The following ERN1 variants were observed in gnomAD, a reference collection of about 807,000 sequenced individuals.
The protein encoded by ERN1 is endoplasmic reticulum to nucleus signaling 1, also known as serine/threonine-protein kinase/endoribonuclease IRE1.
A neutral mutation model predicts 113.1 loss-of-function variants in ERN1; 39 were observed. The ratio of observed to expected loss-of-function variants is 0.34; its 90% CI spans 0.27 to 0.45. ERN1 has a LOEUF of 0.45. Among genes scored for constraint, ERN1 ranks in the 20% least tolerant of loss-of-function variants. The pLI, the probability that ERN1 is intolerant of heterozygous loss-of-function variation, is 1.00. For synonymous variants in ERN1, 507 were observed against 515.9 expected, an observed-to-expected ratio of 0.98 and a Z score of 0.23; for missense variants, 976 against 1,274.8, an observed-to-expected ratio of 0.77 and a Z score of 3.57.
At chr17:64,092,232 C>T (rs1914111450) in intron 2 of ERN1, among the ~76,000 whole-genome samples, 1 of 152,080 alleles carries the variant, frequency 6.6e-6, no homozygotes, top group Admixed American at 6.5e-5. Context: ...CATGACAGGG[C>T]TTGGTGACCA....
At chr17:64,079,853 G>A (rs926583577) in intron 3 of ERN1, 119 bp from the exon 4 acceptor site, 1 of 689,104 alleles carries the variant, frequency 1.5e-6, no homozygotes, top group Non-Finnish European at 2.6e-6. Flanking sequence ...GTGTGTAGGT[G>A]TATAAGTGAG....
intron 11 of ERN1, among the ~76,000 whole-genome samples, chr17:64,059,437 C>A (rs1379059166): frequency 6.6e-6 from 1 of 152,162 alleles, no homozygotes; most frequent in African/African-American, 2.4e-5. Flanking sequence ...AGCTGCCAGG[C>A]CTGAATCGGT....
rs1270535738 is a variant in ERN1, at chr17:64,043,064, G to A, written c.*924C>T. ...TTCCACCGGCCTTGGGGACGAAGGAGTTTGACTGCCTACTCGCTGGCCCAG... is the reference window on the plus strand; with the variant it reads ...TTCCACCGGCCTTGGGGACGAAGGAATTTGACTGCCTACTCGCTGGCCCAG... On this transcript the variant is annotated 3_prime_UTR_variant, in exon 22 of 22. Transcript: ENST00000433197. 1 of 152,450 alleles carries A rather than the reference G, an allele frequency of 6.6e-6. No individual in the cohort carries two copies. The highest frequency in any genetic ancestry group is 1.9e-4 in the East Asian group (1 of 5,328). 9.4% of individuals were successfully genotyped at this position (152,450 alleles called of 1,614,324 possible).
chr17:64,093,882 T>A (rs1447510636), intron 2 of ERN1, among the ~76,000 whole-genome samples: 1 of 152,204 alleles, frequency 6.6e-6, no homozygotes, highest in Admixed American at 6.5e-5. Context: ...ACCAGTGGTA[T>A]CCGTAGGGAG....
In ERN1 at chr17:64,044,643, T is replaced by G. The variant is rs9897942; in HGVS notation, c.2721+217A>C. Among the ~76,000 whole-genome samples the G allele has an allele frequency of 6.0e-3, 913 of 152,270 alleles. 11 individuals carry two copies. Among genetic ancestry groups the G allele is most frequent in the African/African-American group, 0.02 (827 of 41,554 alleles). ...ATGAGGGACATGGGCCGCAGAGCACTGCTTCCCGGAGCTTCACCTGCACCT... is the reference window on the plus strand; with the variant it reads ...ATGAGGGACATGGGCCGCAGAGCACGGCTTCCCGGAGCTTCACCTGCACCT... On this transcript the variant is annotated intron_variant, in intron 21 of 21. Coordinates refer to ENST00000433197, the MANE Select transcript of ERN1 (RefSeq NM_001433.5). This position sits in a 1 kb window ranked among gnomAD's most constrained non-coding sequence, Gnocchi z 4.1.
At chr17:64,119,376 G>GTTTTTTTTTTTT (rs3044073) in intron 1 of ERN1, among the ~76,000 whole-genome samples, 6 of 77,908 alleles carry the variant, frequency 7.7e-5, no homozygotes, top group African/African-American at 1.7e-4. Context: ...TTTTTTCTAG[G>GTTTTTTTTTTTT]TTTTTTTTTT....
intron 1 of ERN1, among the ~76,000 whole-genome samples, chr17:64,108,072 C>T (rs1202787363): frequency 6.6e-6 from 1 of 152,100 alleles, no homozygotes; most frequent in Non-Finnish European, 1.5e-5. Context: ...GTGTGGTTTC[C>T]AAACTAAGCA....
rs1209912213 is a variant in ERN1, at chr17:64,065,415, C to T, written c.843-128G>A. The T allele has an allele frequency of 2.9e-5, 19 of 644,476 alleles. No individual in the cohort carries two copies. In the East Asian group the frequency reaches 5.2e-4, roughly 18 times the overall value. 39.9% of individuals were successfully genotyped at this position (644,476 alleles called of 1,614,324 possible). A position where few individuals can be genotyped will look rare whatever the true frequency, so the allele number is the denominator to read the frequency against. ...TTAACCCCCCAGACATGGAGGAACG[C>T]AGTAGGGGTGTGAAGCTAGGGGCAC... On this transcript the variant is annotated intron_variant, in intron 8 of 21. Coordinates refer to ENST00000433197, the MANE Select transcript of ERN1 (RefSeq NM_001433.5).
rs377248262 is a variant in ERN1, at chr17:64,045,456, T to A, written c.2556A>T (p.Glu852Asp). 106 of 1,613,952 alleles carry A rather than the reference T, an allele frequency of 6.6e-5. 1 individual carries two copies. The South Asian group carries it at 1.1e-3, about 17-fold the overall frequency. Reference sequence around the variant, plus strand: ...GCTTCACGATCGGGCCATCCAGGGATTCCTTTTCTATTCTGTCGCTCACGT... The same window carrying A: ...GCTTCACGATCGGGCCATCCAGGGAATCCTTTTCTATTCTGTCGCTCACGT... Reference protein sequence around the residue: ...FQDVSDRIEKESLDGPIVKQL... With the variant: ...FQDVSDRIEKDSLDGPIVKQL... Residue 852 changes from glutamate (E) to aspartate (D), a missense_variant, in exon 20 of 22, where the codon GAA (glutamate) becomes GAT (aspartate). Physicochemically the swap from Glu to Asp is conservative, Grantham distance 45 (BLOSUM62 2). Coordinates refer to ENST00000433197, the MANE Select transcript of ERN1 (RefSeq NM_001433.5).
chr17:64,065,404 A>C, intron 8 of ERN1, 117 bp from the exon 9 acceptor site: 3 of 697,186 alleles, frequency 4.3e-6, no homozygotes, highest in Non-Finnish European at 7.3e-6. Context: ...CCCCCCAGAC[A>C]TGGAGGAACG....
chr17:64,074,468 A>G lies in ERN1; in HGVS notation c.355+707T>C, dbSNP rs139755475. ...AGGTGTGGAAGGAAGCAAGAGTCTCAGTGTCCTGAGCAAAACCTTAAAAGT... is the reference window on the plus strand; with the variant it reads ...AGGTGTGGAAGGAAGCAAGAGTCTCGGTGTCCTGAGCAAAACCTTAAAAGT... On this transcript the variant is annotated intron_variant, in intron 5 of 21. Coordinates refer to ENST00000433197, the MANE Select transcript of ERN1 (RefSeq NM_001433.5). Among the ~76,000 whole-genome samples the G allele has an allele frequency of 2.5e-3, 386 of 152,310 alleles. 1 individual carries two copies. The highest frequency in any genetic ancestry group is 8.7e-3 in the African/African-American group (362 of 41,566).
In ERN1 at chr17:64,042,623, G is replaced by C. The variant is rs1245867542; in HGVS notation, c.*1365C>G. The C allele has an allele frequency of 6.6e-6, 1 of 152,016 alleles. No homozygotes were observed. The highest frequency in any genetic ancestry group is 1.5e-5 in the Non-Finnish European group (1 of 68,016). The allele number at this position is 152,016 out of a possible 1,614,324, so 9.4% of individuals were successfully genotyped here. ...TTGCATTTTAACCTCTAAGGCTCTC[G>C]GGAGAGAAAAGACAAAGTTTTGACT... is the stretch of plus-strand genomic sequence containing the variant. On this transcript the variant is annotated 3_prime_UTR_variant, in exon 22 of 22. Transcript: ENST00000433197.
chr17:64,088,498 A>G (rs906492023), intron 2 of ERN1, among the ~76,000 whole-genome samples: 4 of 152,196 alleles, frequency 2.6e-5, no homozygotes, highest in Non-Finnish European at 4.4e-5. Flanking sequence ...AATGCTTTAT[A>G]GTCTGTGTAA....
At position 64,043,494 on chromosome 17, in the gene ERN1, G is replaced by C. The variant is rs781428723; in HGVS notation, c.*494C>G. The C allele has an allele frequency of 6.5e-6, 1 of 153,718 alleles. No individual in the cohort carries two copies. The highest frequency in any genetic ancestry group is 2.4e-5 in the African/African-American group (1 of 41,488). 9.5% of individuals were successfully genotyped at this position (153,718 alleles called of 1,614,324 possible). ...AATGAGAAATCTCACACTGCAGGACGACACCCTCTGAACTCCGTCCTCCCC... is the reference window on the plus strand; with the variant it reads ...AATGAGAAATCTCACACTGCAGGACCACACCCTCTGAACTCCGTCCTCCCC... On this transcript the variant is annotated 3_prime_UTR_variant, in exon 22 of 22. Coordinates refer to ENST00000433197, the MANE Select transcript of ERN1 (RefSeq NM_001433.5).
rs748250583 is a variant in ERN1 at position 64,063,979 on chromosome 17, C to T, written c.1087+7G>A. On this transcript the variant is annotated splice_region_variant and intron_variant, in intron 10 of 21. Transcript: ENST00000433197. The surrounding 1 kb of genome is among the most constrained non-coding windows in gnomAD (Gnocchi z 5.1). ...ACCTCAGGCTACTGTGGGAGACCTGCTCTTACCTATCAGAAGCCAGTAATT... is the reference window on the plus strand; with the variant it reads ...ACCTCAGGCTACTGTGGGAGACCTGTTCTTACCTATCAGAAGCCAGTAATT... The T allele has an allele frequency of 3.9e-5, 63 of 1,613,306 alleles. No homozygotes were observed. The highest frequency in any genetic ancestry group is 5.3e-5 in the Non-Finnish European group (62 of 1,179,566).
chr17:64,097,897 A>G (rs9899444), intron 2 of ERN1: 5,307 of 523,818 alleles, frequency 0.01, 242 homozygotes, highest in African/African-American at 0.091. Flanking sequence ...GAAGCAAAAA[A>G]GAAGATAAAA....
intron 2 of ERN1, among the ~76,000 whole-genome samples, chr17:64,084,161 C>T (rs1411457608): frequency 6.6e-6 from 1 of 152,134 alleles, no homozygotes; most frequent in Non-Finnish European, 1.5e-5. Context: ...GCCCAAGTCA[C>T]GCCCTCTGTC....
chr17:64,060,677 T>C, intron 10 of ERN1, 90 bp from the exon 11 acceptor site: 2 of 867,152 alleles, frequency 2.3e-6, no homozygotes, highest in Non-Finnish European at 3.9e-6. Flanking sequence ...TGCTACCCAC[T>C]GAGGGGTCCA....
intron 1 of ERN1, among the ~76,000 whole-genome samples, chr17:64,102,521 C>G (rs1914415261): frequency 6.6e-6 from 1 of 152,152 alleles, no homozygotes; most frequent in African/African-American, 2.4e-5. Flanking sequence ...ATAAGGCAAA[C>G]AAAAATGACA....
Sources: gnomAD v4.1 joint callset for allele counts (sites outside exome capture counted in the v4.1 genomes callset) on GRCh38, gnomAD v4.1.1 for gene constraint, Gnocchi (gnomAD v3.1) non-coding constraint, MANE v1.5 for transcripts, NCBI Gene and HGNC (gene_info 2026-07-23, HGNC 2026-07-21) for gene names.